ATP8A2: variants seen among roughly 807,000 people sequenced by gnomAD.
The protein encoded by ATP8A2 is phospholipid-transporting ATPase IB.
ATP8A2 carries 100 observed loss-of-function variants against 165.6 expected under a neutral mutation model. The observed-to-expected ratio is 0.60, with a 90% CI of 0.51 to 0.71. The LOEUF is 0.71. Among genes scored for constraint, ATP8A2 ranks in the 30% least tolerant of loss-of-function variants. ATP8A2 has a pLI of 0.00. For synonymous variants in ATP8A2, 543 were observed against 548.8 expected (o/e 0.99, Z 0.15); for missense variants, 1,227 against 1,479.5 (o/e 0.83, Z 2.80).
At chr13:26,015,764 A>C (rs927095806) in intron 36 of ATP8A2, among the ~76,000 whole-genome samples, 1 of 152,202 alleles carries the variant, frequency 6.6e-6, no homozygotes, top group African/African-American at 2.4e-5. Flanking sequence ...AGCCAGGGAA[A>C]GTTCAGTTAG....
At chr13:25,901,266 G>A (rs1333816080) in intron 33 of ATP8A2, among the ~76,000 whole-genome samples, 1 of 152,160 alleles carries the variant, frequency 6.6e-6, no homozygotes, top group Non-Finnish European at 1.5e-5. Flanking sequence ...GTGGAATTGA[G>A]AATAAGGGAA....
At chr13:25,505,775 T>G (rs1381487462) in intron 2 of ATP8A2, among the ~76,000 whole-genome samples, 1 of 152,248 alleles carries the variant, frequency 6.6e-6, no homozygotes, top group Non-Finnish European at 1.5e-5. Flanking sequence ...CAATATATGC[T>G]ATATCATATT....
intron 33 of ATP8A2, among the ~76,000 whole-genome samples, chr13:25,943,471 A>G (rs1451725454): frequency 6.6e-6 from 1 of 152,190 alleles, no homozygotes; most frequent in Non-Finnish European, 1.5e-5. Flanking sequence ...AATTCAGTAC[A>G]GGAACATGCT....
chr13:25,598,867 G>T (rs980693685), intron 24 of ATP8A2, among the ~76,000 whole-genome samples: 4 of 151,968 alleles, frequency 2.6e-5, no homozygotes, highest in African/African-American at 9.7e-5. Flanking sequence ...TTGTGTTTTG[G>T]CAGGCAGTTA....
chr13:25,674,295 C>A (rs1424895171), intron 24 of ATP8A2, among the ~76,000 whole-genome samples: 1 of 150,980 alleles, frequency 6.6e-6, no homozygotes, highest in Admixed American at 6.6e-5. Flanking sequence ...CTATAAGGAC[C>A]TTTGGCTCTT....
chr13:25,810,119 T>A (rs1206917289), intron 27 of ATP8A2, among the ~76,000 whole-genome samples: 2 of 152,192 alleles, frequency 1.3e-5, no homozygotes, highest in Non-Finnish European at 2.9e-5. Context: ...TTCCTTCAGC[T>A]TTTGGTAGTC....
chr13:25,802,137 A>C (rs2138462222), intron 27 of ATP8A2, among the ~76,000 whole-genome samples: 1 of 152,348 alleles, frequency 6.6e-6, no homozygotes, highest in Non-Finnish European at 1.5e-5. Flanking sequence ...GAATAGCAGA[A>C]CTTTAAAAAG....
rs977937855 is a variant in ATP8A2 at position 25,949,615 on chromosome 13, G to T, written c.3184-11960G>T. Among the ~76,000 whole-genome samples the T allele has an allele frequency of 4.6e-5, 7 of 152,228 alleles. No homozygotes were observed. In the East Asian group the frequency reaches 1.2e-3, roughly 25 times the overall value. On this transcript the variant is annotated intron_variant, in intron 33 of 36. Transcript: ENST00000381655. Reference sequence around the variant, plus strand: ...GCCCCCAGCATAATTCCTGGAAGCTGCAGTCTCACCTCTGCCAGAGAAGAG... The same window carrying T: ...GCCCCCAGCATAATTCCTGGAAGCTTCAGTCTCACCTCTGCCAGAGAAGAG...
intron 24 of ATP8A2, 35 bp downstream of exon 24, chr13:25,589,734 A>C (rs764471497): frequency 7.4e-7 from 1 of 1,354,424 alleles, no homozygotes. Context: ...TTGCTTTGCT[A>C]TAACAGTATT....
intron 15 of ATP8A2, among the ~76,000 whole-genome samples, chr13:25,563,724 G>A (rs2039229423): frequency 6.6e-6 from 1 of 151,984 alleles, no homozygotes; most frequent in Non-Finnish European, 1.5e-5. Flanking sequence ...ATTGTTCCTT[G>A]TAACTGTTGT....
At chr13:25,747,302 G>A (rs2044054325) in intron 25 of ATP8A2, among the ~76,000 whole-genome samples, 1 of 152,186 alleles carries the variant, frequency 6.6e-6, no homozygotes, top group Non-Finnish European at 1.5e-5. Context: ...GTGCTCCTTG[G>A]GCTCTCATCT....
chr13:25,914,602 C>CTGAT (rs1954213500), intron 33 of ATP8A2, among the ~76,000 whole-genome samples: 1 of 152,166 alleles, frequency 6.6e-6, no homozygotes, highest in Non-Finnish European at 1.5e-5. Flanking sequence ...ATTCTCAATG[C>CTGAT]TGATGTACTG....
chr13:25,393,569 C>T (rs927241752), intron 1 of ATP8A2, among the ~76,000 whole-genome samples: 5 of 152,144 alleles, frequency 3.3e-5, no homozygotes, highest in African/African-American at 7.2e-5. Flanking sequence ...GTATGTACCA[C>T]CATGCCCAGC....
At chr13:25,430,118 G>A (rs1044835697) in intron 1 of ATP8A2, among the ~76,000 whole-genome samples, 4 of 152,296 alleles carry the variant, frequency 2.6e-5, no homozygotes, top group African/African-American at 7.2e-5. Context: ...GAGAGCTGGA[G>A]GAGCAGTCAG....
At chr13:25,983,490 A>G (rs1258889420) in intron 35 of ATP8A2, among the ~76,000 whole-genome samples, 1 of 152,224 alleles carries the variant, frequency 6.6e-6, no homozygotes, top group African/African-American at 2.4e-5. Flanking sequence ...AAGTAGCATT[A>G]TAAGTTTTTA....
chr13:25,924,983 T>G (rs1255710207), intron 33 of ATP8A2, among the ~76,000 whole-genome samples: 1 of 152,220 alleles, frequency 6.6e-6, no homozygotes, highest in African/African-American at 2.4e-5. Flanking sequence ...CCGTTAAACC[T>G]CTTTTTCTTT....
At chr13:25,613,058 G>A (rs1356606768) in intron 24 of ATP8A2, among the ~76,000 whole-genome samples, 1 of 152,062 alleles carries the variant, frequency 6.6e-6, no homozygotes, top group African/African-American at 2.4e-5. Flanking sequence ...ATACTTGGTT[G>A]GTGAATTCTT....
chr13:25,519,650 C>T (rs748277958), intron 2 of ATP8A2, among the ~76,000 whole-genome samples: 18 of 152,188 alleles, frequency 1.2e-4, no homozygotes, highest in Non-Finnish European at 2.4e-4. Context: ...CGCCTGGTCA[C>T]TTATCTCCAG....
intron 33 of ATP8A2, among the ~76,000 whole-genome samples, chr13:25,875,614 A>G (rs1952801465): frequency 6.6e-6 from 1 of 151,942 alleles, no homozygotes; most frequent in Admixed American, 6.5e-5. Flanking sequence ...TTTTCTTAAG[A>G]GAAGTGTGTG....
Sources: allele counts gnomAD v4.1 joint callset (sites outside exome capture counted in the v4.1 genomes callset), GRCh38; gene constraint gnomAD v4.1.1; transcripts MANE v1.5; gene names NCBI Gene and HGNC (gene_info 2026-07-23, HGNC 2026-07-21).